The following FBXO25 variants were observed in gnomAD, a reference collection of about 807,000 sequenced individuals.
FBXO25 encodes F-box protein 25.
A neutral mutation model predicts 51.9 loss-of-function variants in FBXO25; 45 were observed. The ratio of observed to expected loss-of-function variants is 0.87; its 90% confidence interval spans 0.68 to 1.11. The LOEUF (loss-of-function observed/expected upper bound fraction) is 1.11. Ranked by LOEUF, FBXO25 falls within the 50% of genes most tolerant of loss-of-function variation. FBXO25 has a pLI of 0.00. For synonymous variants in FBXO25, 199 were observed against 151.0 expected (o/e 1.32, Z -2.33); for missense variants, 507 against 428.5 (o/e 1.18, Z -1.62).
rs1419164576 is a variant in FBXO25 at position 469,076 on chromosome 8, A to G, written c.*272A>G. On this transcript the variant is annotated 3_prime_UTR_variant, in exon 10 of 10. Coordinates refer to ENST00000350302, the MANE Select transcript of FBXO25 (RefSeq NM_183420.2). Reference sequence around the variant, plus strand: ...GCGTACTCTCTCTCTCTATATATATAGTTCAAAAATACTTTAGGTGGTCAG... The same window carrying G: ...GCGTACTCTCTCTCTCTATATATATGGTTCAAAAATACTTTAGGTGGTCAG... 1.2e-5 allele frequency: 4 copies of G among 342,762 alleles called. No individual in the cohort carries two copies. Among genetic ancestry groups the G allele is most frequent in the Non-Finnish European group, 2.1e-5 (4 of 191,338 alleles). The allele number at this position is 342,762 out of a possible 1,614,324, so 21.2% of individuals were successfully genotyped here. A position where few individuals can be genotyped will look rare whatever the true frequency, so the allele number is the denominator to read the frequency against.
intron 5 of FBXO25, among the ~76,000 whole-genome samples, chr8:437,006 G>A (rs186458718): frequency 1.3e-5 from 2 of 152,176 alleles, no homozygotes; most frequent in East Asian, 1.9e-4. Context: ...GTCAGAGGGG[G>A]CATCCATAGA....
At position 470,188 on chromosome 8, in the gene FBXO25, T is replaced by C. The variant is rs1800434375; in HGVS notation, c.*1384T>C. ...TGGAACAGGCTTTTTCATCACAACA[T>C]ATTGGGGTTCCTGAGTGTCTCGCCG... On this transcript the variant is annotated 3_prime_UTR_variant, in exon 10 of 10. Coordinates refer to ENST00000350302, the MANE Select transcript of FBXO25 (RefSeq NM_183420.2). 6.6e-6 allele frequency: 1 copy of C among 152,104 alleles called. No individual in the cohort carries two copies. Among genetic ancestry groups the C allele is most frequent in the Non-Finnish European group, 1.5e-5 (1 of 68,028 alleles). The allele number at this position is 152,104 out of a possible 1,614,324, so 9.4% of individuals were successfully genotyped here. A position where few individuals can be genotyped will look rare whatever the true frequency, so the allele number is the denominator to read the frequency against.
intron 9 of FBXO25, among the ~76,000 whole-genome samples, chr8:467,181 G>C (rs1800223053): frequency 6.6e-6 from 1 of 152,172 alleles, no homozygotes; most frequent in Non-Finnish European, 1.5e-5. Context: ...GGCAGCTGCT[G>C]AGGCTTGGGT....
chr8:477,324 GGTT>G lies in FBXO25; in HGVS notation c.*8523_*8525del, dbSNP rs1441462160. On this transcript the variant is annotated 3_prime_UTR_variant, in exon 10 of 10. Coordinates refer to ENST00000350302, the MANE Select transcript of FBXO25 (RefSeq NM_183420.2). ...CTGTCTTGCGACTGATCTTCTGTCT[GGTT>G]GTCCTATCCGTTACTGAAAGTGGGC... 18 of 152,292 alleles carry G rather than the reference GGTT, an allele frequency of 1.2e-4. No homozygotes were observed. Among genetic ancestry groups the G allele is most frequent in the African/African-American group, 4.3e-4 (18 of 41,548 alleles). The allele number at this position is 152,292 out of a possible 1,614,324, so 9.4% of individuals were successfully genotyped here.
At chr8:463,444 C>G (rs60207883) in intron 9 of FBXO25, among the ~76,000 whole-genome samples, 2,700 of 152,306 alleles carry the variant, frequency 0.018, 85 homozygotes, top group African/African-American at 0.06. Flanking sequence ...GCTCCAGATT[C>G]CCTGCTGGCC....
In FBXO25 at chr8:475,862, T is replaced by A. The variant is rs951390711; in HGVS notation, c.*7058T>A. 1 of 152,194 alleles carries A rather than the reference T, an allele frequency of 6.6e-6. No individual in the cohort carries two copies. Among genetic ancestry groups the A allele is most frequent in the Non-Finnish European group, 1.5e-5 (1 of 68,012 alleles). The allele number at this position is 152,194 out of a possible 1,614,324, so 9.4% of individuals were successfully genotyped here. Reference sequence around the variant, plus strand: ...AAACAGATAATTTTGCTTCTTCCTTTCCAGTCTGGATGCCTTTTATTTCTT... The same window carrying A: ...AAACAGATAATTTTGCTTCTTCCTTACCAGTCTGGATGCCTTTTATTTCTT... On this transcript the variant is annotated 3_prime_UTR_variant, in exon 10 of 10. Coordinates refer to ENST00000350302, the MANE Select transcript of FBXO25 (RefSeq NM_183420.2).
At chr8:458,695 G>C (rs1799612504) in intron 8 of FBXO25, 144 bp downstream of exon 8, 5 of 753,840 alleles carry the variant, frequency 6.6e-6, no homozygotes, top group Non-Finnish European at 8.5e-6. Flanking sequence ...AGTTTATTGA[G>C]ATTGCTGTGG....
chr8:453,628 C>T (rs941147799), intron 7 of FBXO25, among the ~76,000 whole-genome samples: 1 of 152,244 alleles, frequency 6.6e-6, no homozygotes, highest in East Asian at 1.9e-4. Context: ...TTGCTGCCTC[C>T]CGCTTATTCA....
intron 7 of FBXO25, among the ~76,000 whole-genome samples, chr8:452,824 G>A (rs1219911208): frequency 6.6e-6 from 1 of 152,226 alleles, no homozygotes; most frequent in Non-Finnish European, 1.5e-5. Context: ...CTCACCAAGA[G>A]GAGAGAAAGG....
chr8:419,878 G>A (rs961181980), intron 2 of FBXO25, among the ~76,000 whole-genome samples: 18 of 152,152 alleles, frequency 1.2e-4, no homozygotes, highest in Non-Finnish European at 2.4e-4. Flanking sequence ...CTGACAAAGG[G>A]TTAGTATCCA....
At position 433,057 on chromosome 8, in the gene FBXO25, T is replaced by C. The variant is rs1797909076; in HGVS notation, c.288+122T>C. The C allele has an allele frequency of 4.1e-6, 5 of 1,224,798 alleles. No homozygotes were observed. In the South Asian group the frequency reaches 7.7e-5, roughly 19 times the overall value. 75.9% of individuals were successfully genotyped at this position (1,224,798 alleles called of 1,614,324 possible). On this transcript the variant is annotated intron_variant, in intron 4 of 9. Coordinates refer to ENST00000350302, the MANE Select transcript of FBXO25 (RefSeq NM_183420.2). ...CATTTCTTTTGCAATATCAGATCTA[T>C]GGTTCACATTCTGACAGATAATAGC...
chr8:455,040 C>G (rs889314657), intron 7 of FBXO25, among the ~76,000 whole-genome samples: 3 of 152,154 alleles, frequency 2.0e-5, no homozygotes, highest in African/African-American at 7.2e-5. Context: ...CTTCAAGCCA[C>G]CAACAAAAAG....
chr8:468,045 GGA>G (rs1429716586), intron 9 of FBXO25: 1 of 1,268,366 alleles, frequency 7.9e-7, no homozygotes, highest in South Asian at 1.9e-5. Context: ...GGCATGCCAT[GGA>G]GAGATCCAGC....
intron 2 of FBXO25, among the ~76,000 whole-genome samples, chr8:418,158 C>T (rs867434134): frequency 7.9e-5 from 12 of 152,160 alleles, no homozygotes; most frequent in Middle Eastern, 6.8e-3. Flanking sequence ...TGTGTGTCTT[C>T]ATGTAAAGGT....
At chr8:427,025 C>A (rs192073183) in intron 2 of FBXO25, among the ~76,000 whole-genome samples, 32 of 151,904 alleles carry the variant, frequency 2.1e-4, no homozygotes. Context: ...TACACTGATA[C>A]GAAGTAGCTT....
chr8:475,531 A>G lies in FBXO25; in HGVS notation c.*6727A>G, dbSNP rs1409221453. 6.6e-6 allele frequency: 1 copy of G among 152,054 alleles called. No homozygotes were observed. The highest frequency in any genetic ancestry group is 1.5e-5 in the Non-Finnish European group (1 of 68,126). The allele number at this position is 152,054 out of a possible 1,614,324, so 9.4% of individuals were successfully genotyped here. ...GATTGCTTTGGACTATGGACATCTT[A>G]AGGTATCCAATCCATAAACACGGGA... is the stretch of plus-strand genomic sequence containing the variant. On this transcript the variant is annotated 3_prime_UTR_variant, in exon 10 of 10. Transcript: ENST00000350302.
intron 1 of FBXO25, among the ~76,000 whole-genome samples, chr8:407,699 C>T (rs1176259323): frequency 6.6e-6 from 1 of 152,148 alleles, no homozygotes; most frequent in African/African-American, 2.4e-5. Context: ...GGTGTGACCC[C>T]TCATTCCTCC....
intron 7 of FBXO25, among the ~76,000 whole-genome samples, chr8:456,455 C>T (rs17064981): frequency 0.12 from 17,922 of 152,172 alleles, 1,433 homozygotes; most frequent in African/African-American, 0.22. Context: ...ATCAAACATT[C>T]GTCAGTAATG....
chr8:439,275 C>T (rs1421170268), intron 5 of FBXO25, among the ~76,000 whole-genome samples: 2 of 152,236 alleles, frequency 1.3e-5, no homozygotes, highest in East Asian at 1.9e-4. Context: ...TGGCTTCTGA[C>T]AGCCAGGCAC....
Sources: allele counts gnomAD v4.1 joint callset (sites outside exome capture counted in the v4.1 genomes callset), GRCh38; gene constraint gnomAD v4.1.1; transcripts MANE v1.5; gene names NCBI Gene and HGNC (gene_info 2026-07-23, HGNC 2026-07-21).